GPR39: variants seen among roughly 807,000 people sequenced by gnomAD.
GPR39 encodes zinc sensing receptor.
GPR39 carries 23 observed loss-of-function variants against 18.4 expected under a neutral mutation model. The ratio of observed to expected loss-of-function variants is 1.25; its 90% confidence interval spans 0.90 to 1.77. The LOEUF is 1.77. Ranked by LOEUF, GPR39 falls within the 40% of genes most tolerant of loss-of-function variation. GPR39 has a pLI of 0.00. For synonymous variants in GPR39, 280 were observed against 257.9 expected (o/e 1.09, Z -0.82); for missense variants, 647 against 602.4 (o/e 1.07, Z -0.78).
intron 1 of GPR39, among the ~76,000 whole-genome samples, chr2:132,641,583 A>G (rs1278133954): frequency 6.6e-6 from 1 of 152,188 alleles, no homozygotes; most frequent in Admixed American, 6.5e-5. Flanking sequence ...GGTTTCAATG[A>G]CTTAGTATTA....
At chr2:132,452,303 C>G (rs1007121193) in intron 1 of GPR39, among the ~76,000 whole-genome samples, 1 of 152,094 alleles carries the variant, frequency 6.6e-6, no homozygotes, top group African/African-American at 2.4e-5. Flanking sequence ...ACAATGTATT[C>G]AAGTCTTCTT....
chr2:132,527,114 C>T (rs573996640), intron 1 of GPR39, among the ~76,000 whole-genome samples: 10 of 152,136 alleles, frequency 6.6e-5, no homozygotes, highest in Non-Finnish European at 1.5e-4. Flanking sequence ...TCCCCACCCA[C>T]CGTCAGGCCC....
chr2:132,583,225 C>A (rs547355113), intron 1 of GPR39, among the ~76,000 whole-genome samples: 80 of 152,144 alleles, frequency 5.3e-4, no homozygotes, highest in Non-Finnish European at 9.3e-4. Flanking sequence ...CCTACTGTTT[C>A]ATGAAATGTA....
intron 1 of GPR39, among the ~76,000 whole-genome samples, chr2:132,421,242 C>G (rs952513097): frequency 2.0e-5 from 3 of 152,158 alleles, no homozygotes; most frequent in Non-Finnish European, 4.4e-5. Flanking sequence ...AGATAGCATC[C>G]AGGTCTGTGG....
At chr2:132,530,764 G>C (rs966090708) in intron 1 of GPR39, among the ~76,000 whole-genome samples, 6 of 152,120 alleles carry the variant, frequency 3.9e-5, no homozygotes, top group African/African-American at 7.2e-5. Flanking sequence ...AGCTTCATAA[G>C]TGAAGGAGAA....
At chr2:132,460,849 C>T (rs1381404620) in intron 1 of GPR39, among the ~76,000 whole-genome samples, 1 of 152,140 alleles carries the variant, frequency 6.6e-6, no homozygotes, top group East Asian at 1.9e-4. Context: ...AGAGCACAGC[C>T]AGCTCTGGGC....
intron 1 of GPR39, among the ~76,000 whole-genome samples, chr2:132,542,994 G>T (rs1346050272): frequency 6.6e-6 from 1 of 152,100 alleles, no homozygotes; most frequent in Non-Finnish European, 1.5e-5. Flanking sequence ...ACTTCCCAGG[G>T]CTGGAACCCA....
chr2:132,596,575 ATTCACCTTCCT>A (rs1186579503), intron 1 of GPR39, among the ~76,000 whole-genome samples: 1 of 150,084 alleles, frequency 6.7e-6, no homozygotes. Context: ...TCTTTTTTTC[ATTCACCTTCCT>A]TTGATTTAAA....
chr2:132,427,692 G>A (rs1680151888), intron 1 of GPR39, among the ~76,000 whole-genome samples: 1 of 149,902 alleles, frequency 6.7e-6, no homozygotes, highest in Non-Finnish European at 1.5e-5. Context: ...AGTTACATTT[G>A]GAAGAGAAGG....
chr2:132,542,078 C>A (rs1292445890), intron 1 of GPR39, among the ~76,000 whole-genome samples: 5 of 152,098 alleles, frequency 3.3e-5, no homozygotes, highest in African/African-American at 1.2e-4. Context: ...AATCAACTCC[C>A]TAAGGCACCA....
intron 1 of GPR39, among the ~76,000 whole-genome samples, chr2:132,564,368 A>G (rs1439964090): frequency 6.6e-6 from 1 of 152,226 alleles, no homozygotes; most frequent in East Asian, 1.9e-4. Context: ...ATTACAGATA[A>G]TAAACAGATA....
intron 1 of GPR39, among the ~76,000 whole-genome samples, chr2:132,642,352 C>G (rs184439130): frequency 2.6e-5 from 4 of 152,310 alleles, no homozygotes; most frequent in African/African-American, 7.2e-5. Context: ...CACTGAGCTT[C>G]TTCCCACTTA....
chr2:132,451,480 A>G (rs2104771092), intron 1 of GPR39, among the ~76,000 whole-genome samples: 1 of 152,284 alleles, frequency 6.6e-6, no homozygotes, highest in South Asian at 2.1e-4. Flanking sequence ...TCATTGAATG[A>G]ATGGATGAGT....
At chr2:132,523,909 A>C (rs951172857) in intron 1 of GPR39, 5 of 152,708 alleles carry the variant, frequency 3.3e-5, no homozygotes, top group African/African-American at 1.2e-4. Flanking sequence ...AGTTTGGACT[A>C]TGCTCAGAAT....
intron 1 of GPR39, among the ~76,000 whole-genome samples, chr2:132,449,255 T>TTTGTTTG (rs71994549): frequency 0.5 from 75,926 of 150,586 alleles, 20,769 homozygotes; most frequent in Non-Finnish European, 0.62. Context: ...TTGTTTGTTT[T>TTTGTTTG]GTTTTGTTTT....
At position 132,553,313 on chromosome 2, in the gene GPR39, ATG is replaced by A. The variant is rs149187122; in HGVS notation, c.857-91766_857-91765del. ...TGTATATATACACACATATGTATAT[ATG>A]TGTGTGTGTGTGTGTGTGTGTATGT... On this transcript the variant is annotated intron_variant, in intron 1 of 1. Transcript: ENST00000329321. Among the ~76,000 whole-genome samples the A allele has an allele frequency of 1.1e-3, 155 of 146,134 alleles. 1 individual carries two copies. Among genetic ancestry groups the A allele is most frequent in the East Asian group, 3.1e-3 (15 of 4,884 alleles).
In GPR39 at chr2:132,630,859, T is replaced by A. The variant is rs544078281; in HGVS notation, c.857-14242T>A. Among the ~76,000 whole-genome samples, 7 of 152,284 alleles carry A rather than the reference T, an allele frequency of 4.6e-5. No homozygotes were observed. In the East Asian group the frequency reaches 1.2e-3, roughly 25 times the overall value. On this transcript the variant is annotated intron_variant, in intron 1 of 1. Coordinates refer to ENST00000329321, the MANE Select transcript of GPR39 (RefSeq NM_001508.3). ...CAATGCATGGCATTGGAGGTTATTATGATTGGGAGTAGTGCAGAGAGGGCA... is the reference window on the plus strand; with the variant it reads ...CAATGCATGGCATTGGAGGTTATTAAGATTGGGAGTAGTGCAGAGAGGGCA...
intron 1 of GPR39, among the ~76,000 whole-genome samples, chr2:132,469,569 G>A (rs867024233): frequency 2.6e-5 from 4 of 151,382 alleles, no homozygotes; most frequent in African/African-American, 4.9e-5. Context: ...GACAGTGAGC[G>A]TGTGTGTGTA....
intron 1 of GPR39, among the ~76,000 whole-genome samples, chr2:132,588,350 G>C (rs1680768416): frequency 6.6e-6 from 1 of 152,174 alleles, no homozygotes; most frequent in Admixed American, 6.5e-5. Context: ...GTTATTGCAA[G>C]ATAAACTATC....
Sources: allele counts gnomAD v4.1 joint callset (sites outside exome capture counted in the v4.1 genomes callset), GRCh38; gene constraint gnomAD v4.1.1; transcripts MANE v1.5; gene names NCBI Gene and HGNC (gene_info 2026-07-23, HGNC 2026-07-21).